The following DMD variants were observed in gnomAD, a reference collection of about 807,000 sequenced individuals.
DMD encodes the protein dystrophin, also known as mutant dystrophin.
A neutral mutation model predicts 330.1 loss-of-function variants in DMD; 63 were observed. The ratio of observed to expected loss-of-function variants is 0.19; its 90% CI spans 0.16 to 0.24. DMD has a LOEUF of 0.24. Ranked by LOEUF, DMD falls within the 10% of genes least tolerant of loss-of-function variation. The pLI is 1.00. For synonymous variants in DMD, 1,223 were observed against 959.8 expected (o/e 1.27, Z -5.07); for missense variants, 3,344 against 2,684.1 (o/e 1.25, Z -5.43).
chrX:32,739,513 T>C (rs1230284593), intron 7 of DMD, among the ~76,000 whole-genome samples: 2 of 111,939 alleles, frequency 1.8e-5, no homozygotes, highest in Non-Finnish European at 3.8e-5. Flanking sequence ...TAGGCAATAC[T>C]TCTAGTTAGA....
At chrX:32,229,491 A>G (rs2147963295) in intron 43 of DMD, among the ~76,000 whole-genome samples, 1 of 104,646 alleles carries the variant, frequency 9.6e-6, no homozygotes, top group East Asian at 3.0e-4. Context: ...ATTTTTCTAT[A>G]CCTTCCTCCA....
intron 62 of DMD, among the ~76,000 whole-genome samples, chrX:31,303,869 T>A (rs1164428135): frequency 2.7e-5 from 3 of 112,036 alleles, no homozygotes; most frequent in Admixed American, 1.9e-4. Context: ...ATTTCCATTA[T>A]CTATTCCCTG....
intron 44 of DMD, among the ~76,000 whole-genome samples, chrX:32,196,667 A>G (rs2685899): frequency 9.1e-6 from 1 of 109,566 alleles, no homozygotes; most frequent in Non-Finnish European, 1.9e-5. Context: ...GTACACATAC[A>G]TATATACTCT....
chrX:32,889,628 T>G (rs2084994360), intron 2 of DMD, among the ~76,000 whole-genome samples: 1 of 111,081 alleles, frequency 9.0e-6, no homozygotes, highest in African/African-American at 3.3e-5. Flanking sequence ...TCAATGTACT[T>G]TGTAATCTCC....
intron 1 of DMD, among the ~76,000 whole-genome samples, chrX:33,093,179 A>G (rs757790032): frequency 1.4e-3 from 151 of 111,596 alleles, no homozygotes; most frequent in Non-Finnish European, 2.5e-3. Flanking sequence ...CCAGCCTGTA[A>G]TTTTCTTCTT....
intron 1 of DMD, among the ~76,000 whole-genome samples, chrX:33,114,417 A>C (rs1185353602): frequency 9.0e-6 from 1 of 111,393 alleles, no homozygotes. Flanking sequence ...CCGGCCAGCA[A>C]AATAATTCTT....
intron 5 of DMD, among the ~76,000 whole-genome samples, chrX:32,821,358 G>A (rs890211921): frequency 1.8e-5 from 2 of 110,779 alleles, no homozygotes; most frequent in Non-Finnish European, 3.8e-5. Flanking sequence ...GCCGAGGCAG[G>A]AGGATCACGA....
At chrX:33,071,408 G>C (rs1285059411) in intron 1 of DMD, among the ~76,000 whole-genome samples, 1 of 97,398 alleles carries the variant, frequency 1.0e-5, no homozygotes, top group African/African-American at 3.9e-5. Flanking sequence ...AACAGAGTGA[G>C]ACTCTGTCCT....
chrX:32,225,153 A>G (rs1168874035), intron 43 of DMD, among the ~76,000 whole-genome samples: 1 of 112,231 alleles, frequency 8.9e-6, no homozygotes, highest in Admixed American at 9.5e-5. Flanking sequence ...ACTAACATCT[A>G]CAGCAGGTAT....
At chrX:32,128,667 TCA>T (rs1299557131) in intron 44 of DMD, among the ~76,000 whole-genome samples, 1 of 112,115 alleles carries the variant, frequency 8.9e-6, no homozygotes, top group Non-Finnish European at 1.9e-5. Context: ...CTTTAAACTC[TCA>T]GTGTCAAATT....
At chrX:32,673,031 A>G (rs191585945) in intron 9 of DMD, among the ~76,000 whole-genome samples, 2 of 111,158 alleles carry the variant, frequency 1.8e-5, no homozygotes, top group Admixed American at 1.9e-4. Context: ...TGTTTTCTGT[A>G]TGTGTGTGTA....
At chrX:31,869,423 T>TTTA (rs60324091) in intron 48 of DMD, among the ~76,000 whole-genome samples, 4 of 99,947 alleles carry the variant, frequency 4.0e-5, no homozygotes, top group Non-Finnish European at 8.2e-5. Context: ...TTTTTTTTTT[T>TTTA]ACCTACCTGT....
intron 55 of DMD, among the ~76,000 whole-genome samples, chrX:31,510,699 C>CG (rs2071430986): frequency 9.2e-6 from 1 of 108,994 alleles, no homozygotes; most frequent in Non-Finnish European, 1.9e-5. Flanking sequence ...TTAGTAGAAA[C>CG]AGGGTTTCAC....
At chrX:32,343,514 C>G (rs759296387) in intron 39 of DMD, among the ~76,000 whole-genome samples, 70 of 111,910 alleles carry the variant, frequency 6.3e-4, no homozygotes, top group Non-Finnish European at 1.2e-3. Context: ...AGTATTTTCT[C>G]TTAGCATGTT....
intron 44 of DMD, among the ~76,000 whole-genome samples, chrX:31,983,161 G>A (rs969483020): frequency 5.4e-5 from 6 of 110,449 alleles, no homozygotes; most frequent in Non-Finnish European, 9.5e-5. Flanking sequence ...TAAGACAGAC[G>A]TATTGTAGGG....
At chrX:33,304,900 TAA>T (rs1169815413) in intron 1 of DMD, among the ~76,000 whole-genome samples, 1 of 104,344 alleles carries the variant, frequency 9.6e-6, no homozygotes, top group Non-Finnish European at 2.0e-5. Flanking sequence ...TGGCGATCAT[TAA>T]AAAGTCAGGA....
chrX:31,522,363 C>CTCTCTCTCTATATATATATATATA, intron 55 of DMD, among the ~76,000 whole-genome samples: 10 of 35,958 alleles, frequency 2.8e-4, no homozygotes, highest in South Asian at 1.8e-3. Context: ...CTCTCTCTCT[C>CTCTCTCTCTATATATATATATATA]TATATATATA....
At chrX:32,481,101 TA>T (rs1376371175) in intron 21 of DMD, among the ~76,000 whole-genome samples, 1 of 111,034 alleles carries the variant, frequency 9.0e-6, no homozygotes, top group African/African-American at 3.3e-5. Context: ...GGGTAGAGAC[TA>T]ACCATAGAGC....
chrX:33,039,961 G>A lies in DMD; in HGVS notation c.32-19761C>T, dbSNP rs762233987. On this transcript the variant is annotated intron_variant, in intron 1 of 78. Coordinates refer to ENST00000357033, the MANE Select transcript of DMD (RefSeq NM_004006.3). ...TTCAATCTCCTCCAAGGAGAGACTG[G>A]ATACATGAAAGGTTTACCTTTGGCA... 3.6e-5 allele frequency among the ~76,000 whole-genome samples: 4 copies of A among 111,022 alleles called. No homozygotes were observed. In the East Asian group the frequency reaches 8.6e-4, roughly 24 times the overall value.
Sources: allele counts gnomAD v4.1 joint callset (sites outside exome capture counted in the v4.1 genomes callset), GRCh38; gene constraint gnomAD v4.1.1; transcripts MANE v1.5; gene names NCBI Gene and HGNC (gene_info 2026-07-23, HGNC 2026-07-21).